Variants in ANKRD6 observed in about 807,000 individuals in gnomAD.
ANKRD6 encodes ankyrin repeat domain 6, also known as ankyrin repeat domain-containing protein 6.
ANKRD6 carries 56 observed loss-of-function variants against 82.3 expected under a neutral mutation model. The ratio of observed to expected loss-of-function variants is 0.68; its 90% CI spans 0.55 to 0.85. The LOEUF is 0.85. ANKRD6 is among the 40% of genes least tolerant of loss of function. The pLI is 0.00. For missense variants in ANKRD6, 852 were observed against 907.6 expected, an observed-to-expected ratio of 0.94 and a Z score of 0.79; for synonymous variants, 347 against 352.1, an observed-to-expected ratio of 0.99 and a Z score of 0.16.
At chr6:89,500,926 A>G (rs1466393578) in intron 1 of ANKRD6, among the ~76,000 whole-genome samples, 1 of 150,850 alleles carries the variant, frequency 6.6e-6, no homozygotes, top group African/African-American at 2.4e-5. Flanking sequence ...AATAAAGATA[A>G]TGTGATGCAC....
chr6:89,493,815 C>T (rs905024709), intron 1 of ANKRD6, among the ~76,000 whole-genome samples: 9 of 152,138 alleles, frequency 5.9e-5, no homozygotes, highest in African/African-American at 1.4e-4. Flanking sequence ...AACCACATTT[C>T]GGGGGGTTAT....
intron 1 of ANKRD6, among the ~76,000 whole-genome samples, chr6:89,468,444 G>T (rs1466047046): frequency 1.3e-5 from 2 of 151,982 alleles, no homozygotes; most frequent in Non-Finnish European, 2.9e-5. Flanking sequence ...GAACTTGAAG[G>T]TTTGTTGAGA....
At chr6:89,498,598 G>C (rs1326130834) in intron 1 of ANKRD6, among the ~76,000 whole-genome samples, 1 of 152,066 alleles carries the variant, frequency 6.6e-6, no homozygotes, top group Non-Finnish European at 1.5e-5. Context: ...AGGGTAGAGA[G>C]AGATGTGTTA....
intron 1 of ANKRD6, among the ~76,000 whole-genome samples, chr6:89,437,323 T>A (rs1402797518): frequency 6.6e-6 from 1 of 152,102 alleles, no homozygotes; most frequent in Non-Finnish European, 1.5e-5. Flanking sequence ...GCCCGACCAG[T>A]TCTTTTTCCT....
chr6:89,451,690 A>T (rs1042352275), intron 1 of ANKRD6, among the ~76,000 whole-genome samples: 2 of 152,190 alleles, frequency 1.3e-5, no homozygotes, highest in Middle Eastern at 6.3e-3. Context: ...TTCCCTTGGT[A>T]CTTAAAGAAT....
At chr6:89,601,680 AC>A (rs1797199234) in intron 3 of ANKRD6, 1 of 152,184 alleles carries the variant, frequency 6.6e-6, no homozygotes, top group Non-Finnish European at 1.5e-5. Flanking sequence ...ATTTACGTAT[AC>A]GGTTCAGTGG....
intron 1 of ANKRD6, among the ~76,000 whole-genome samples, chr6:89,504,789 G>GTGC (rs1779658270): frequency 6.6e-6 from 1 of 152,160 alleles, no homozygotes. Flanking sequence ...GAACTTAGAC[G>GTGC]TGCTGGCTTT....
intron 1 of ANKRD6, among the ~76,000 whole-genome samples, chr6:89,563,722 A>T (rs753141248): frequency 2.0e-5 from 3 of 148,224 alleles, no homozygotes; most frequent in Non-Finnish European, 4.5e-5. Flanking sequence ...ACTGCCCCCC[A>T]CCCCTGCAAC....
chr6:89,482,624 A>G (rs562960579), intron 1 of ANKRD6, among the ~76,000 whole-genome samples: 2 of 152,268 alleles, frequency 1.3e-5, no homozygotes, highest in Non-Finnish European at 2.9e-5. Flanking sequence ...CCACAAATGC[A>G]CAGGGGCCGG....
rs1238176565 is a variant in ANKRD6 at position 89,631,043 on chromosome 6, T to G, written c.*39T>G. The G allele has an allele frequency of 3.4e-6, 5 of 1,463,804 alleles. No individual in the cohort carries two copies. The South Asian group carries it at 7.3e-5, about 21-fold the overall frequency. The allele number at this position is 1,463,804 out of a possible 1,614,324, so 90.7% of individuals were successfully genotyped here. On this transcript the variant is annotated 3_prime_UTR_variant, in exon 16 of 16. Coordinates refer to ENST00000339746, the MANE Select transcript of ANKRD6 (RefSeq NM_001242809.2). ...GAAATATGAAAGGATTCTTGAAGAT[T>G]TCCAGTTTTGCAACTGCATAATAGC...
In ANKRD6 at chr6:89,633,758, C is replaced by T. The variant is rs1807853478; in HGVS notation, c.*2754C>T. 1 of 152,048 alleles carries T rather than the reference C, an allele frequency of 6.6e-6. No homozygotes were observed. Among genetic ancestry groups the T allele is most frequent in the East Asian group, 1.9e-4 (1 of 5,194 alleles). The allele number at this position is 152,048 out of a possible 1,614,324, so 9.4% of individuals were successfully genotyped here. ...GTCTTCTAATTAATATTTTTATCAC[C>T]TTGAATTTGTGTCTCTTCCAAGCAT... On this transcript the variant is annotated 3_prime_UTR_variant, in exon 16 of 16. Transcript: ENST00000339746.
intron 1 of ANKRD6, among the ~76,000 whole-genome samples, chr6:89,481,985 T>G (rs1241094987): frequency 6.6e-6 from 1 of 152,174 alleles, no homozygotes; most frequent in East Asian, 1.9e-4. Context: ...GACAGAAAGA[T>G]GAGCTTTCCA....
At chr6:89,548,411 A>G (rs191171713) in intron 1 of ANKRD6, among the ~76,000 whole-genome samples, 227 of 152,262 alleles carry the variant, frequency 1.5e-3, no homozygotes, top group Non-Finnish European at 2.6e-3. Context: ...GCTATACTAC[A>G]TTTTGTTTAT....
chr6:89,492,720 GA>G (rs1778154732), intron 1 of ANKRD6, among the ~76,000 whole-genome samples: 1 of 152,210 alleles, frequency 6.6e-6, no homozygotes, highest in Non-Finnish European at 1.5e-5. Context: ...TTCGTAACAT[GA>G]AACCAGTCCA....
At chr6:89,547,003 C>T (rs1785175484) in intron 1 of ANKRD6, among the ~76,000 whole-genome samples, 1 of 152,024 alleles carries the variant, frequency 6.6e-6, no homozygotes, top group African/African-American at 2.4e-5. Flanking sequence ...ACTCTGTTGT[C>T]CAGGCTGGAA....
chr6:89,470,587 G>C (rs972636345), intron 1 of ANKRD6, among the ~76,000 whole-genome samples: 1 of 152,106 alleles, frequency 6.6e-6, no homozygotes, highest in Non-Finnish European at 1.5e-5. Context: ...TGCCACTGCA[G>C]CCTAGGTGAC....
At chr6:89,489,302 CA>C (rs1777754037) in intron 1 of ANKRD6, among the ~76,000 whole-genome samples, 1 of 152,192 alleles carries the variant, frequency 6.6e-6, no homozygotes, top group Non-Finnish European at 1.5e-5. Flanking sequence ...GACAATAATT[CA>C]GTTTGAGTGC....
intron 1 of ANKRD6, among the ~76,000 whole-genome samples, chr6:89,477,229 C>T (rs1261301184): frequency 1.3e-5 from 2 of 152,048 alleles, no homozygotes; most frequent in Non-Finnish European, 2.9e-5. Context: ...CAGGCGTGAG[C>T]CACCGTGCCC....
chr6:89,438,899 T>G lies in ANKRD6; in HGVS notation c.-144+5524T>G, dbSNP rs1408846586. Among the ~76,000 whole-genome samples, 6 of 152,332 alleles carry G rather than the reference T, an allele frequency of 3.9e-5. 1 individual carries two copies. In the East Asian group the frequency reaches 1.2e-3, roughly 29 times the overall value. ...CTCAGGTGATCCGCCGGCCTCGGCC[T>G]CCTAAAGTGCTGGGATTACAGGTGT... is the stretch of plus-strand genomic sequence containing the variant. On this transcript the variant is annotated intron_variant, in intron 1 of 15. Transcript: ENST00000339746.
Sources: gnomAD v4.1 joint callset for allele counts (sites outside exome capture counted in the v4.1 genomes callset) on GRCh38, gnomAD v4.1.1 for gene constraint, MANE v1.5 for transcripts, NCBI Gene and HGNC (gene_info 2026-07-23, HGNC 2026-07-21) for gene names.